The following GNG4 variants were observed in gnomAD, a reference collection of about 807,000 sequenced individuals.
GNG4 encodes G protein subunit gamma 4.
Under a neutral mutation model 5.8 loss-of-function variants are expected in GNG4, and 4 were observed. The observed-to-expected ratio is 0.69, with a 90% CI of 0.34 to 1.57. GNG4 has a LOEUF of 1.57. GNG4 is among the 40% of genes most tolerant of loss of function. The probability of loss-of-function intolerance (pLI) is 0.06; values close to 1 mark genes in which losing one functional copy is unlikely to be tolerated. For missense variants in GNG4, 96 were observed against 95.1 expected, an observed-to-expected ratio of 1.01 and a Z score of -0.04; for synonymous variants, 29 against 32.9, an observed-to-expected ratio of 0.88 and a Z score of 0.41.
At chr1:235,580,286 T>C (rs1259298467) in intron 3 of GNG4, among the ~76,000 whole-genome samples, 1 of 152,206 alleles carries the variant, frequency 6.6e-6, no homozygotes, top group African/African-American at 2.4e-5. Flanking sequence ...TGGCACTGAA[T>C]GGGTACAGAG....
chr1:235,613,676 G>A (rs1355295754), intron 1 of GNG4, among the ~76,000 whole-genome samples: 2 of 152,204 alleles, frequency 1.3e-5, no homozygotes, highest in African/African-American at 4.8e-5. Context: ...ACACAGCTCT[G>A]CCAACAGCTT....
rs183610855 is a variant in GNG4 at position 235,646,228 on chromosome 1, A to G, written c.-123+3434T>C. ...CAAGAGAAACAAATCCTCCTGGGAA[A>G]GGAGCTCATGTGCAGTGCCTGAGTG... On this transcript the variant is annotated intron_variant, in intron 1 of 3. Coordinates refer to ENST00000391854, the MANE Select transcript of GNG4 (RefSeq NM_001098722.2). Among the ~76,000 whole-genome samples the G allele has an allele frequency of 2.8e-3, 423 of 152,362 alleles. 1 individual carries two copies. Among genetic ancestry groups the G allele is most frequent in the Non-Finnish European group, 5.1e-3 (347 of 68,032 alleles).
At chr1:235,647,758 C>A (rs1313535424) in intron 1 of GNG4, among the ~76,000 whole-genome samples, 1 of 152,184 alleles carries the variant, frequency 6.6e-6, no homozygotes, top group Non-Finnish European at 1.5e-5. Flanking sequence ...CCTCAGCCTC[C>A]CAAGTAGCTG....
intron 2 of GNG4, chr1:235,589,068 G>T (rs1687897365): frequency 6.6e-6 from 1 of 152,284 alleles, no homozygotes; most frequent in African/African-American, 2.4e-5. Context: ...TCAAGGATAG[G>T]CTGAGGTAAA....
intron 2 of GNG4, among the ~76,000 whole-genome samples, chr1:235,588,656 G>A (rs565960849): frequency 6.6e-6 from 1 of 151,938 alleles, no homozygotes; most frequent in Admixed American, 6.5e-5. Context: ...GAGGCCCTCA[G>A]AGCTACCTGG....
At chr1:235,582,391 C>A (rs1687660528) in intron 3 of GNG4, among the ~76,000 whole-genome samples, 1 of 152,242 alleles carries the variant, frequency 6.6e-6, no homozygotes, top group Non-Finnish European at 1.5e-5. Context: ...ACCGGCCTTT[C>A]CTCCTCCACT....
At chr1:235,607,608 G>A (rs2102966502) in intron 1 of GNG4, among the ~76,000 whole-genome samples, 1 of 152,388 alleles carries the variant, frequency 6.6e-6, no homozygotes, top group Non-Finnish European at 1.5e-5. Flanking sequence ...AATTTAGTGG[G>A]TCACGCGCTT....
chr1:235,552,478 T>C (rs988883313), intron 3 of GNG4, among the ~76,000 whole-genome samples: 1 of 152,132 alleles, frequency 6.6e-6, no homozygotes, highest in Non-Finnish European at 1.5e-5. Context: ...GAGACAGGAC[T>C]GAGGGCTGGC....
intron 1 of GNG4, among the ~76,000 whole-genome samples, chr1:235,641,983 C>CT (rs1657341199): frequency 2.0e-5 from 3 of 152,248 alleles, no homozygotes; most frequent in Non-Finnish European, 4.4e-5. Context: ...CTGATTCCTC[C>CT]ACCGTAACAG....
intron 2 of GNG4, among the ~76,000 whole-genome samples, chr1:235,589,830 T>C (rs1687917681): frequency 2.0e-5 from 3 of 152,214 alleles, no homozygotes; most frequent in Admixed American, 1.3e-4. Flanking sequence ...ACCTGGATCC[T>C]TGAGCTGGGT....
intron 2 of GNG4, among the ~76,000 whole-genome samples, chr1:235,591,823 C>T (rs563414912): frequency 1.3e-5 from 2 of 152,322 alleles, no homozygotes; most frequent in East Asian, 3.9e-4. Flanking sequence ...CCCAGGTATA[C>T]AGGAATGTGC....
intron 1 of GNG4, chr1:235,616,251 T>C (rs1364527747): frequency 6.0e-6 from 3 of 502,576 alleles, no homozygotes; most frequent in African/African-American, 1.9e-5. Context: ...GTGGTTGATA[T>C]GTTCCCTGAG....
At position 235,610,783 on chromosome 1, in the gene GNG4, T is replaced by TAA. The variant is rs556568653; in HGVS notation, c.-122-15274_-122-15273dup. ...CCCTGGCCATGTGTCTCTGTCAAGA[T>TAA]AAAAAAAAGCACTGCAAGAGGCTGG... On this transcript the variant is annotated intron_variant, in intron 1 of 3. Coordinates refer to ENST00000391854, the MANE Select transcript of GNG4 (RefSeq NM_001098722.2). Among the ~76,000 whole-genome samples the TAA allele has an allele frequency of 3.3e-3, 496 of 151,982 alleles. 1 individual carries two copies. Among genetic ancestry groups the TAA allele is most frequent in the African/African-American group, 0.011 (436 of 41,448 alleles).
At chr1:235,589,782 C>A (rs935827393) in intron 2 of GNG4, among the ~76,000 whole-genome samples, 1 of 152,194 alleles carries the variant, frequency 6.6e-6, no homozygotes, top group African/African-American at 2.4e-5. Flanking sequence ...ACTGGGGAAT[C>A]AACCAAGGAC....
chr1:235,573,581 T>C (rs1215394111), intron 3 of GNG4, among the ~76,000 whole-genome samples: 1 of 151,868 alleles, frequency 6.6e-6, no homozygotes, highest in Non-Finnish European at 1.5e-5. Context: ...ATCGAGACCA[T>C]CCTGGGTAAC....
intron 1 of GNG4, among the ~76,000 whole-genome samples, chr1:235,647,838 G>A (rs986076584): frequency 6.6e-5 from 10 of 152,150 alleles, no homozygotes; most frequent in Non-Finnish European, 1.2e-4. Context: ...GTTTCACCAC[G>A]TTGGCCAGGC....
chr1:235,612,299 G>C (rs1321097769), intron 1 of GNG4, among the ~76,000 whole-genome samples: 2 of 152,180 alleles, frequency 1.3e-5, no homozygotes, highest in African/African-American at 2.4e-5. Context: ...ACAATGCCAG[G>C]CTGCCTTGTG....
chr1:235,599,286 G>C (rs1558492152), intron 1 of GNG4, among the ~76,000 whole-genome samples: 1 of 151,282 alleles, frequency 6.6e-6, no homozygotes, highest in South Asian at 2.1e-4. Context: ...CAAATCTGCG[G>C]GTTTTTTTGT....
intron 3 of GNG4, among the ~76,000 whole-genome samples, chr1:235,557,508 T>A (rs1686948629): frequency 6.6e-6 from 1 of 152,062 alleles, no homozygotes; most frequent in Non-Finnish European, 1.5e-5. Context: ...AAGACACCCC[T>A]TCCTCTAGGC....
Sources: allele counts gnomAD v4.1 joint callset (sites outside exome capture counted in the v4.1 genomes callset), GRCh38; gene constraint gnomAD v4.1.1; transcripts MANE v1.5; gene names NCBI Gene and HGNC (gene_info 2026-07-23, HGNC 2026-07-21).